The following TSPAN1 variants were observed in gnomAD, a reference collection of about 807,000 sequenced individuals.
TSPAN1 encodes the protein tetraspanin 1.
In TSPAN1, 23 loss-of-function variants were observed where a neutral mutation model predicts 26.9. That is an observed-to-expected ratio of 0.85 (90% CI 0.62 to 1.21). The LOEUF is 1.21. Ranked by LOEUF, TSPAN1 falls within the 50% of genes most tolerant of loss-of-function variation. The pLI is 0.00. For missense variants in TSPAN1, 283 were observed against 298.4 expected, an observed-to-expected ratio of 0.95 and a Z score of 0.38; for synonymous variants, 115 against 114.8, an observed-to-expected ratio of 1.00 and a Z score of -0.01.
chr1:46,176,091 G>T, intron 1 of TSPAN1: 4 of 898,366 alleles, frequency 4.5e-6, no homozygotes, highest in Admixed American at 2.5e-5. Flanking sequence ...TAGCCAGGAT[G>T]GTCTCGATCT....
the TSPAN1 span, chr1:46,194,661 G>A: frequency 6.2e-7 from 1 of 1,614,154 alleles, no homozygotes; most frequent in African/African-American, 1.3e-5. Flanking sequence ...CCTGGCAGGA[G>A]GCAGGAATGA....
intron 2 of TSPAN1, 99 bp from the exon 3 acceptor site, chr1:46,181,001 C>A: frequency 1.0e-6 from 1 of 988,808 alleles, no homozygotes. Context: ...GGTTCAGGAT[C>A]CTGGGGTCTG....
At chr1:46,195,849 T>C in the TSPAN1 span, 4 of 1,611,424 alleles carry the variant, frequency 2.5e-6, no homozygotes, top group Middle Eastern at 1.7e-4. Context: ...GGCGCTACCA[T>C]GTTGAGGAAT....
downstream of TSPAN1, chr1:46,189,935 T>A: frequency 1.2e-6 from 2 of 1,614,054 alleles, no homozygotes. Flanking sequence ...CCTCTGTGTC[T>A]GGCAGGAAAG....
the TSPAN1 span, chr1:46,193,365 C>T: frequency 6.2e-7 from 1 of 1,613,154 alleles, no homozygotes; most frequent in Non-Finnish European, 8.5e-7. Context: ...TCAGACCAAA[C>T]AGTGCCACCA....
chr1:46,181,340 C>T (rs1184006269), intron 3 of TSPAN1, among the ~76,000 whole-genome samples, 176 bp downstream of exon 3: 2 of 152,186 alleles, frequency 1.3e-5, no homozygotes, highest in Non-Finnish European at 2.9e-5. Flanking sequence ...GTCCCAGCAG[C>T]AGCCAGGCTG....
Position 46,185,003 on chromosome 1 carries a change from CA to C in TSPAN1, c.483del (p.Tyr163ThrfsTer35). The C allele has an allele frequency of 6.2e-7, 1 of 1,614,200 alleles. No homozygotes were observed. Among genetic ancestry groups the C allele is most frequent in the Non-Finnish European group, 8.5e-7 (1 of 1,180,050 alleles). Reference sequence around the variant, plus strand: ...ACCAACTATACGGATTTTGAGGACTCACCCTACTTCAAAGAGAACAGTGCCT... The same window carrying C: ...ACCAACTATACGGATTTTGAGGACTCCCCTACTTCAAAGAGAACAGTGCCT... ...GFTNYTDFEDSPYFKENSAFP... is the reference protein window; with the variant it reads ...GFTNYTDFEDXPYFKENSAFP... On this transcript the variant is annotated frameshift_variant, in exon 7 of 9. Transcript: ENST00000372003. LOFTEE classifies it high-confidence loss of function.
At chr1:46,178,789 C>T (rs989921766) in intron 1 of TSPAN1, among the ~76,000 whole-genome samples, 6 of 152,208 alleles carry the variant, frequency 3.9e-5, no homozygotes, top group Non-Finnish European at 8.8e-5. Flanking sequence ...GGCTCTGCCA[C>T]TTACAGGCTT....
rs1450231636 is a variant in TSPAN1, at chr1:46,181,100, G to A, written c.-8G>A. On this transcript the variant is annotated splice_region_variant and 5_prime_UTR_variant, in exon 3 of 9. Coordinates refer to ENST00000372003, the MANE Select transcript of TSPAN1 (RefSeq NM_005727.4). ...TAACTTGCACATGTCTACCTCCCAG[G>A]AGCCACCATGCAGTGCTTCAGCTTC... The A allele has an allele frequency of 1.2e-6, 2 of 1,613,830 alleles. No homozygotes were observed. The highest frequency in any genetic ancestry group is 1.1e-5 in the South Asian group (1 of 91,044).
Position 46,184,172 on chromosome 1 carries a change from C to T in TSPAN1, c.58-19C>T, listed in dbSNP as rs1189297662. The T allele has an allele frequency of 6.2e-7, 1 of 1,613,804 alleles. No homozygotes were observed. Among genetic ancestry groups the T allele is most frequent in the Non-Finnish European group, 8.5e-7 (1 of 1,179,838 alleles). On this transcript the variant is annotated intron_variant, in intron 3 of 8. Transcript: ENST00000372003. ...CTTGCCAGCACTGTTTAAGGCCTGC[C>T]TGACCTCTCTCTCCCCAGCTGTGTG... is the stretch of plus-strand genomic sequence containing the variant.
At chr1:46,190,158 C>T, downstream of TSPAN1, 2 of 822,316 alleles carry the variant, frequency 2.4e-6, no homozygotes, top group East Asian at 2.7e-5. Context: ...GAGTCTCCTG[C>T]CTCAGCCTCC....
At chr1:46,186,758 G>T (rs1247861340), downstream of TSPAN1, among the ~76,000 whole-genome samples, 2 of 151,562 alleles carry the variant, frequency 1.3e-5, no homozygotes, top group African/African-American at 4.8e-5. Flanking sequence ...GCCCCCTGGG[G>T]TTCACGCCAT....
the TSPAN1 span, chr1:46,194,274 TG>T: frequency 1.9e-6 from 3 of 1,614,178 alleles, no homozygotes; most frequent in South Asian, 3.3e-5. Context: ...CCCCACTCAC[TG>T]GGTCAGGGCT....
downstream of TSPAN1, among the ~76,000 whole-genome samples, chr1:46,187,168 C>T (rs1312865534): frequency 1.3e-5 from 2 of 152,168 alleles, no homozygotes; most frequent in Non-Finnish European, 2.9e-5. Flanking sequence ...AACTAGGGAT[C>T]GGAAAGGCCA....
intron 3 of TSPAN1, 134 bp from the exon 4 acceptor site, chr1:46,184,057 T>G (rs551515208): frequency 1.1e-6 from 1 of 924,760 alleles, no homozygotes; most frequent in Non-Finnish European, 1.7e-6. Context: ...GTTTCCCTCC[T>G]TACAGGATGA....
At chr1:46,193,663 G>A in the TSPAN1 span, 5 of 1,613,802 alleles carry the variant, frequency 3.1e-6, no homozygotes, top group Non-Finnish European at 3.4e-6. Flanking sequence ...GGATAGGTTA[G>A]GGTCACTTCA....
chr1:46,193,708 C>T, the TSPAN1 span: 11 of 1,609,084 alleles, frequency 6.8e-6, no homozygotes, highest in South Asian at 1.1e-5. Context: ...GTGTTTACAG[C>T]TGGGCCCAGA....
intron 3 of TSPAN1, chr1:46,183,714 C>T (rs1657362156): frequency 5.4e-6 from 1 of 183,860 alleles, no homozygotes; most frequent in East Asian, 1.2e-4. Flanking sequence ...TCCTCCCTCT[C>T]CAAGGTTGCC....
chr1:46,191,546 ACC>A, the TSPAN1 span: 1 of 192,520 alleles, frequency 5.2e-6, no homozygotes, highest in Non-Finnish European at 1.1e-5. Context: ...ATACCAGCTG[ACC>A]CTTATATATG....
Sources: gnomAD v4.1 joint callset for allele counts (sites outside exome capture counted in the v4.1 genomes callset) on GRCh38, gnomAD v4.1.1 for gene constraint, MANE v1.5 for transcripts, NCBI Gene and HGNC (gene_info 2026-07-23, HGNC 2026-07-21) for gene names.